Variants in CLEC3B observed in about 807,000 individuals in gnomAD.
CLEC3B encodes the protein tetranectin.
Under a neutral mutation model 15.4 loss-of-function variants are expected in CLEC3B, and 13 were observed. The observed-to-expected ratio is 0.84, with a 90% CI of 0.55 to 1.34. The LOEUF (loss-of-function observed/expected upper bound fraction) is 1.34. Ranked by LOEUF, CLEC3B falls within the 40% of genes most tolerant of loss-of-function variation. CLEC3B has a pLI of 0.00. For missense variants in CLEC3B, 242 were observed against 268.6 expected, an observed-to-expected ratio of 0.90 and a Z score of 0.69; for synonymous variants, 112 against 114.7, an observed-to-expected ratio of 0.98 and a Z score of 0.15.
At position 45,035,987 on chromosome 3, in the gene CLEC3B, G is replaced by T; in HGVS notation, c.*63G>T. The T allele has an allele frequency of 6.9e-7, 1 of 1,454,086 alleles. No individual in the cohort carries two copies. The highest frequency in any genetic ancestry group is 1.3e-5 in the South Asian group (1 of 75,562). 90.1% of individuals were successfully genotyped at this position (1,454,086 alleles called of 1,614,324 possible). A position where few individuals can be genotyped will look rare whatever the true frequency, so the allele number is the denominator to read the frequency against. ...CAGGGGCCGCGGGAGGCCGGGAGGA[G>T]GGTGGGGACCTTGCAGCCCCCATCC... On this transcript the variant is annotated 3_prime_UTR_variant, in exon 3 of 3. Coordinates refer to ENST00000296130, the MANE Select transcript of CLEC3B (RefSeq NM_003278.3).
At chr3:45,030,080 A>T in intron 1 of CLEC3B, 1 of 704,680 alleles carries the variant, frequency 1.4e-6, no homozygotes, top group Non-Finnish European at 1.7e-6. Context: ...ATGACACGTT[A>T]CCTGTGTCAT....
intron 2 of CLEC3B, among the ~76,000 whole-genome samples, chr3:45,032,073 C>T (rs1024125583): frequency 2.0e-5 from 3 of 151,766 alleles, no homozygotes; most frequent in Admixed American, 2.0e-4. Context: ...GCTATGCTGC[C>T]CCTCGAGTTA....
chr3:45,035,805 C>T lies in CLEC3B; in HGVS notation c.490C>T (p.Gln164Ter). 1 of 1,613,516 alleles carries T rather than the reference C, an allele frequency of 6.2e-7. No individual in the cohort carries two copies. Among genetic ancestry groups the T allele is most frequent in the Non-Finnish European group, 8.5e-7 (1 of 1,179,970 alleles). The stretch of plus-strand genomic sequence containing the variant: ...GAACTGGGAGACTGAGATCACCGCG[C>T]AACCCGATGGCGGCAAGACCGAGAA... ...YKNWETEITA[Q>*]PDGGKTENCA... The change falls in exon 3 of 3, where the codon CAA (glutamine) becomes TAA (stop). Residue 164 changes from glutamine (Q) to a stop codon, truncating the protein, a stop_gained. Coordinates refer to ENST00000296130, the MANE Select transcript of CLEC3B (RefSeq NM_003278.3). LOFTEE classifies it high-confidence loss of function.
At chr3:45,028,810 G>A (rs1052606474) in intron 1 of CLEC3B, among the ~76,000 whole-genome samples, 1 of 152,238 alleles carries the variant, frequency 6.6e-6, no homozygotes, top group Non-Finnish European at 1.5e-5. Context: ...CCAGGGCCAA[G>A]AGGGGGAGAG....
Position 45,035,798 on chromosome 3 carries a change from C to G in CLEC3B, c.483C>G (p.Ile161Met). 6.2e-7 allele frequency: 1 copy of G among 1,613,576 alleles called. No homozygotes were observed. Among genetic ancestry groups the G allele is most frequent in the Non-Finnish European group, 8.5e-7 (1 of 1,179,968 alleles). ...CCTACAAGAACTGGGAGACTGAGATCACCGCGCAACCCGATGGCGGCAAGA... is the reference window on the plus strand; with the variant it reads ...CCTACAAGAACTGGGAGACTGAGATGACCGCGCAACCCGATGGCGGCAAGA... ...RIAYKNWETE[I>M]TAQPDGGKTE... The change falls in exon 3 of 3, where the codon ATC (isoleucine) becomes ATG (methionine). Residue 161 changes from isoleucine (I) to methionine (M), a missense_variant. Ile to Met is a conservative substitution (Grantham distance 10). Coordinates refer to ENST00000296130, the MANE Select transcript of CLEC3B (RefSeq NM_003278.3).
Position 45,035,944 on chromosome 3 carries a change from G to A in CLEC3B, c.*20G>A, listed in dbSNP as rs896206672. The A allele has an allele frequency of 2.6e-6, 4 of 1,558,968 alleles. No individual in the cohort carries two copies. Among genetic ancestry groups the A allele is most frequent in the African/African-American group, 2.7e-5 (2 of 74,180 alleles). ...GTGTAGCCGGCGGGGCGGGGGCCGT[G>A]GGGGGCCTGGAGGAGGGCAGGGGCC... On this transcript the variant is annotated 3_prime_UTR_variant, in exon 3 of 3. Transcript: ENST00000296130.
intron 2 of CLEC3B, among the ~76,000 whole-genome samples, chr3:45,033,158 G>A (rs1697588153): frequency 1.3e-5 from 2 of 152,188 alleles, no homozygotes. Flanking sequence ...CTGTAAGGTA[G>A]GCAGGGTAAA....
intron 1 of CLEC3B, among the ~76,000 whole-genome samples, chr3:45,029,839 G>T (rs922496916): frequency 1.3e-5 from 2 of 152,176 alleles, no homozygotes; most frequent in African/African-American, 4.8e-5. Context: ...CACACACATA[G>T]AAATATGCTT....
chr3:45,035,093 C>T (rs1213785292), intron 2 of CLEC3B, among the ~76,000 whole-genome samples: 1 of 152,214 alleles, frequency 6.6e-6, no homozygotes, highest in Non-Finnish European at 1.5e-5. Context: ...CCCTAGGAGC[C>T]ACACATGTGG....
chr3:45,035,941 C>T lies in CLEC3B; in HGVS notation c.*17C>T. The T allele has an allele frequency of 1.6e-5, 21 of 1,296,292 alleles. No individual in the cohort carries two copies. The highest frequency in any genetic ancestry group is 2.1e-5 in the Non-Finnish European group (20 of 960,682). The allele number at this position is 1,296,292 out of a possible 1,614,324, so 80.3% of individuals were successfully genotyped here. On this transcript the variant is annotated 3_prime_UTR_variant, in exon 3 of 3. Coordinates refer to ENST00000296130, the MANE Select transcript of CLEC3B (RefSeq NM_003278.3). Reference sequence around the variant, plus strand: ...ATCGTGTAGCCGGCGGGGCGGGGGCCGTGGGGGGCCTGGAGGAGGGCAGGG... The same window carrying T: ...ATCGTGTAGCCGGCGGGGCGGGGGCTGTGGGGGGCCTGGAGGAGGGCAGGG...
At chr3:45,033,513 C>T (rs1208984762) in intron 2 of CLEC3B, among the ~76,000 whole-genome samples, 1 of 152,168 alleles carries the variant, frequency 6.6e-6, no homozygotes, top group Non-Finnish European at 1.5e-5. Context: ...GGGAGGTTCC[C>T]ACCTGGTACA....
At chr3:45,027,736 T>C (rs1697502898) in intron 1 of CLEC3B, among the ~76,000 whole-genome samples, 1 of 152,120 alleles carries the variant, frequency 6.6e-6, no homozygotes, top group Non-Finnish European at 1.5e-5. Flanking sequence ...AAAATGTTCA[T>C]TTAAAAAGAG....
At position 45,035,107 on chromosome 3, in the gene CLEC3B, C is replaced by A. The variant is rs1368615593; in HGVS notation, c.209-417C>A. 2.0e-5 allele frequency among the ~76,000 whole-genome samples: 3 copies of A among 152,114 alleles called. No individual in the cohort carries two copies. The East Asian group carries it at 5.8e-4, about 29-fold the overall frequency. Reference sequence around the variant, plus strand: ...GCCCTAGGAGCCACACATGTGGGGGCGGGGGGAAGAGGAAGTGGGCAGAGG... The same window carrying A: ...GCCCTAGGAGCCACACATGTGGGGGAGGGGGGAAGAGGAAGTGGGCAGAGG... On this transcript the variant is annotated intron_variant, in intron 2 of 2. Coordinates refer to ENST00000296130, the MANE Select transcript of CLEC3B (RefSeq NM_003278.3).
At chr3:45,033,061 A>G (rs1313531948) in intron 2 of CLEC3B, among the ~76,000 whole-genome samples, 1 of 152,206 alleles carries the variant, frequency 6.6e-6, no homozygotes, top group African/African-American at 2.4e-5. Flanking sequence ...GGTGGACAAG[A>G]GAGAAGGGAT....
At position 45,035,699 on chromosome 3, in the gene CLEC3B, G is replaced by A. The variant is rs745553938; in HGVS notation, c.384G>A (p.Glu128=). The change falls in exon 3 of 3, where the codon GAG becomes GAA. Residue 128 remains glutamate, a synonymous_variant. Transcript: ENST00000296130. ...ACCTGCGCCAGAGCGTGGGCAACGA[G>A]GCCGAGATCTGGCTGGGCCTCAACG... ...YEYLRQSVGN[E]AEIWLGLNDM... 2 of 1,613,886 alleles carry A rather than the reference G, an allele frequency of 1.2e-6. No individual in the cohort carries two copies. The highest frequency in any genetic ancestry group is 1.3e-5 in the African/African-American group (1 of 75,078).
chr3:45,033,232 C>T (rs4682762), intron 2 of CLEC3B, among the ~76,000 whole-genome samples: 91,550 of 151,976 alleles, frequency 0.6, 28,638 homozygotes, highest in East Asian at 0.9. Flanking sequence ...CAGGCATCAA[C>T]TGCCACCTGG....
rs746488621 is a variant in CLEC3B, at chr3:45,026,326, C to G, written c.-37C>G. ...CTGTCACTGCGTTCGGACCCAGACC[C>G]GCTGCAGGCAGCAGCAGCCCCCGCC... On this transcript the variant is annotated 5_prime_UTR_variant, in exon 1 of 3. Transcript: ENST00000296130. 1 of 1,562,566 alleles carries G rather than the reference C, an allele frequency of 6.4e-7. No homozygotes were observed. Among genetic ancestry groups the G allele is most frequent in the South Asian group, 1.1e-5 (1 of 89,114 alleles).
intron 2 of CLEC3B, among the ~76,000 whole-genome samples, chr3:45,031,439 T>C (rs1489710877): frequency 2.0e-5 from 3 of 152,226 alleles, no homozygotes; most frequent in Admixed American, 1.3e-4. Context: ...GTCAGCTCCA[T>C]GAAATGTCAG....
intron 1 of CLEC3B, 30 bp from the exon 2 acceptor site, chr3:45,030,797 C>G (rs772916760): frequency 6.7e-7 from 1 of 1,500,068 alleles, no homozygotes; most frequent in Non-Finnish European, 9.1e-7. Context: ...CAGTCCCTGC[C>G]CCACCCTGAC....
Sources: gnomAD v4.1 joint callset for allele counts (sites outside exome capture counted in the v4.1 genomes callset) on GRCh38, gnomAD v4.1.1 for gene constraint, MANE v1.5 for transcripts, NCBI Gene and HGNC (gene_info 2026-07-23, HGNC 2026-07-21) for gene names.